KIR3DL3: variants seen among roughly 807,000 people sequenced by gnomAD.
The protein encoded by KIR3DL3 is killer cell immunoglobulin like receptor, three Ig domains and long cytoplasmic tail 3, also known as killer cell immunoglobulin-like receptor 3DL3.
In KIR3DL3, 27 loss-of-function variants were observed where a neutral mutation model predicts 34.9. The observed-to-expected ratio is 0.77, with a 90% CI of 0.57 to 1.07. The LOEUF (loss-of-function observed/expected upper bound fraction) is 1.07, where lower values mean the gene tolerates loss of function less well. Ranked by LOEUF, KIR3DL3 falls within the 50% of genes least tolerant of loss-of-function variation. The pLI is 0.00. For missense variants in KIR3DL3, 681 were observed against 528.5 expected, an observed-to-expected ratio of 1.29 and a Z score of -2.83; for synonymous variants, 217 against 200.2, an observed-to-expected ratio of 1.08 and a Z score of -0.71.
At chr19:54,732,913 C>T (rs1276399435) in intron 5 of KIR3DL3, among the ~76,000 whole-genome samples, 2 of 152,078 alleles carry the variant, frequency 1.3e-5, no homozygotes, top group African/African-American at 4.8e-5. Context: ...GGAATCCCTA[C>T]CTGATTAACA....
At chr19:54,727,501 A>C in intron 3 of KIR3DL3, 110 bp from the exon 4 acceptor site, 1 of 933,908 alleles carries the variant, frequency 1.1e-6, no homozygotes, top group Non-Finnish European at 1.6e-6. Context: ...GGAGACACAG[A>C]CAGGAAGGAG....
chr19:54,726,847 C>T (rs62131758), intron 3 of KIR3DL3, among the ~76,000 whole-genome samples: 63,810 of 101,516 alleles, frequency 0.63, 20,955 homozygotes, highest in Middle Eastern at 0.71. Context: ...CACAGCCCTG[C>T]AGATGCCTTG....
intron 1 of KIR3DL3, among the ~76,000 whole-genome samples, chr19:54,724,761 C>A (rs368175909): frequency 3.7e-5 from 3 of 80,728 alleles, no homozygotes; most frequent in Admixed American, 1.5e-4. Context: ...GGGCCTGGAA[C>A]TGTAGATATG....
At chr19:54,734,619 G>A (rs659384) in intron 5 of KIR3DL3, among the ~76,000 whole-genome samples, 6 of 138,422 alleles carry the variant, frequency 4.3e-5, no homozygotes, top group African/African-American at 1.1e-4. Flanking sequence ...ATCTCAGGAC[G>A]TTGCTGTCTT....
At position 54,727,619 on chromosome 19, in the gene KIR3DL3, A is replaced by G; in HGVS notation, c.364A>G (p.Arg122Gly). 1 of 1,610,924 alleles carries G rather than the reference A, an allele frequency of 6.2e-7. No homozygotes were observed. Among genetic ancestry groups the G allele is most frequent in the Non-Finnish European group, 8.5e-7 (1 of 1,179,134 alleles). Residue 122 changes from arginine (R) to glycine (G), a missense_variant, in exon 4 of 8, where the codon AGA (arginine) becomes GGA (glycine). Coordinates refer to ENST00000291860, the MANE Select transcript of KIR3DL3 (RefSeq NM_153443.5). ...ACAACCTCTCTTCTTAGGAGTCCACAGAAAACCTTCCCTCCTGGCCCACCC... is the reference window on the plus strand; with the variant it reads ...ACAACCTCTCTTCTTAGGAGTCCACGGAAAACCTTCCCTCCTGGCCCACCC... Reference protein sequence around the residue: ...PVVIMVTGVHRKPSLLAHPGP... With the variant: ...PVVIMVTGVHGKPSLLAHPGP...
intron 5 of KIR3DL3, among the ~76,000 whole-genome samples, chr19:54,731,975 A>C (rs2146832926): frequency 6.6e-6 from 1 of 152,322 alleles, no homozygotes; most frequent in South Asian, 2.1e-4. Flanking sequence ...AGCAACCGTA[A>C]TGCCATCTGC....
Position 54,735,309 on chromosome 19 carries a change from G to T in KIR3DL3, c.1006G>T (p.Ala336Ser), listed in dbSNP as rs766236460. The change falls in exon 6 of 8, where the codon GCT becomes TCT. Residue 336 changes from alanine (A) to serine (S), a missense_variant. Physicochemically the swap from Ala to Ser is moderately conservative, Grantham distance 99 (BLOSUM62 1). Coordinates refer to ENST00000291860, the MANE Select transcript of KIR3DL3 (RefSeq NM_153443.5). ...IGTSVVIIPF[A>S]ILLFFLLHRW... is the part of the protein sequence containing the mutation. ...GACCTCAGTGGTCATCATCCCCTTT[G>T]CTATCCTCCTCTTCTTTCTCCTTCA... The T allele has an allele frequency of 6.7e-7, 1 of 1,483,310 alleles. No individual in the cohort carries two copies. Among genetic ancestry groups the T allele is most frequent in the Non-Finnish European group, 9.4e-7 (1 of 1,067,200 alleles). 91.9% of individuals were successfully genotyped at this position (1,483,310 alleles called of 1,614,324 possible). A position where few individuals can be genotyped will look rare whatever the true frequency, so the allele number is the denominator to read the frequency against.
Position 54,727,597 on chromosome 19 carries a change from A to G in KIR3DL3, c.356-14A>G. 1.2e-6 allele frequency: 2 copies of G among 1,604,440 alleles called. No homozygotes were observed. The highest frequency in any genetic ancestry group is 8.5e-7 in the Non-Finnish European group (1 of 1,176,804). On this transcript the variant is annotated splice_polypyrimidine_tract_variant and intron_variant, in intron 3 of 7. Coordinates refer to ENST00000291860, the MANE Select transcript of KIR3DL3 (RefSeq NM_153443.5). The stretch of plus-strand genomic sequence containing the variant: ...AAGGGAGACGCCTTCTGAACTCACA[A>G]CCTCTCTTCTTAGGAGTCCACAGAA...
In KIR3DL3 at chr19:54,729,745, C is replaced by T. The variant is rs865887227; in HGVS notation, c.908C>T (p.Ala303Val). 1,178 of 1,583,106 alleles carry T rather than the reference C, an allele frequency of 7.4e-4. 2 individuals carry two copies. The highest frequency in any genetic ancestry group is 9.5e-4 in the Non-Finnish European group (1,109 of 1,168,218). Reference protein sequence around the residue: ...CFGSFRALPHAWSDPSDPLPV... With the variant: ...CFGSFRALPHVWSDPSDPLPV... ...GGCTCTTTCCGTGCCCTGCCCCATG[C>T]GTGGTCAGACCCGAGTGACCCACTG... The change falls in exon 5 of 8, where the codon GCG becomes GTG. Residue 303 changes from alanine to valine, a missense_variant. Transcript: ENST00000291860.
rs756228014 is a variant in KIR3DL3, at chr19:54,727,797, C to G, written c.542C>G (p.Ser181Cys). Residue 181 changes from serine (S) to cysteine (C), a missense_variant, in exon 4 of 8, where the codon TCC becomes TGC. Ser to Cys is a moderately radical substitution (Grantham distance 112). Coordinates refer to ENST00000291860, the MANE Select transcript of KIR3DL3 (RefSeq NM_153443.5). Reference sequence around the variant, plus strand: ...GATGCGGGTTCCCAGGTCAACTATTCCATGGGTCCCATGACACCTGCCCTT... The same window carrying G: ...GATGCGGGTTCCCAGGTCAACTATTGCATGGGTCCCATGACACCTGCCCTT... ...LHDAGSQVNY[S>C]MGPMTPALAG... 177 of 1,613,836 alleles carry G rather than the reference C, an allele frequency of 1.1e-4. No homozygotes were observed. The Middle Eastern group carries it at 2.8e-3, about 26-fold the overall frequency.
chr19:54,726,623 C>T (rs1195870211), intron 3 of KIR3DL3, among the ~76,000 whole-genome samples: 1 of 147,358 alleles, frequency 6.8e-6, no homozygotes, highest in African/African-American at 2.5e-5. Context: ...GGGAGACAGC[C>T]TGGACTGTCC....
At chr19:54,734,119 T>C (rs2146864016) in intron 5 of KIR3DL3, among the ~76,000 whole-genome samples, 1 of 151,804 alleles carries the variant, frequency 6.6e-6, no homozygotes, top group East Asian at 1.9e-4. Flanking sequence ...CTTCACTTTT[T>C]TTATCTTGAT....
In KIR3DL3 at chr19:54,733,766, G is replaced by A. The variant is rs554086126; in HGVS notation, c.950-1487G>A. Among the ~76,000 whole-genome samples the A allele has an allele frequency of 7.0e-4, 107 of 152,224 alleles. 1 individual carries two copies. The highest frequency in any genetic ancestry group is 2.4e-3 in the African/African-American group (100 of 41,530). ...GAATAGAGAACGTGCTCTGTTCATG[G>A]CATAAAACTTGCCCCTTCACCCAAA... On this transcript the variant is annotated intron_variant, in intron 5 of 7. Coordinates refer to ENST00000291860, the MANE Select transcript of KIR3DL3 (RefSeq NM_153443.5).
chr19:54,727,553 T>C, intron 3 of KIR3DL3, 58 bp from the exon 4 acceptor site: 1 of 1,521,824 alleles, frequency 6.6e-7, no homozygotes, highest in Non-Finnish European at 8.9e-7. Flanking sequence ...TTATTTCAGG[T>C]CCCATGAATG....
Position 54,735,832 on chromosome 19 carries a change from T to C in KIR3DL3, c.1067T>C (p.Met356Thr). The C allele has an allele frequency of 6.2e-7, 1 of 1,607,776 alleles. No individual in the cohort carries two copies. The highest frequency in any genetic ancestry group is 1.4e-5 in the African/African-American group (1 of 72,846). The change falls in exon 7 of 8, where the codon ATG becomes ACG. Residue 356 changes from methionine to threonine, a missense_variant. By Grantham distance (81) the Met-to-Thr change is moderately conservative. Transcript: ENST00000291860. ...CCGTCTTCTACAGATGCTGTTGTAA[T>C]GGACCAAGAGCCTGCAGGGAACAGA... ...WCANKKNAVV[M>T]DQEPAGNRTV...
rs17207376 is a variant in KIR3DL3, at chr19:54,736,605, A to C, written c.*509A>C. 60,729 of 158,680 alleles carry C rather than the reference A, an allele frequency of 0.38. 12,533 individuals carry two copies. Among genetic ancestry groups the C allele is most frequent in the East Asian group, 0.78 (4,653 of 5,988 alleles). The allele number at this position is 158,680 out of a possible 1,614,324, so 9.8% of individuals were successfully genotyped here. A position where few individuals can be genotyped will look rare whatever the true frequency, so the allele number is the denominator to read the frequency against. ...TTTTATAATTTCAATGTAGTTTTCT[A>C]TTCTTCAAGTAAACATGTCTGCCCT... On this transcript the variant is annotated 3_prime_UTR_variant, in exon 8 of 8. Transcript: ENST00000291860.
intron 2 of KIR3DL3, among the ~76,000 whole-genome samples, chr19:54,725,616 T>A (rs950439611): frequency 6.6e-5 from 10 of 152,208 alleles, no homozygotes; most frequent in Middle Eastern, 3.4e-3. Context: ...GACAAGAGCA[T>A]AACTCACACC....
chr19:54,724,605 G>C, intron 1 of KIR3DL3, 75 bp downstream of exon 1: 3 of 1,593,186 alleles, frequency 1.9e-6, no homozygotes, highest in South Asian at 2.2e-5. Flanking sequence ...TCTGGGCCTG[G>C]AGTGGAGATA....
intron 5 of KIR3DL3, among the ~76,000 whole-genome samples, chr19:54,730,207 C>T (rs1165264404): frequency 6.6e-5 from 10 of 151,470 alleles, no homozygotes; most frequent in African/African-American, 1.7e-4. Flanking sequence ...GTGAAATATA[C>T]CTATGTAATT....
Sources: allele counts gnomAD v4.1 joint callset (sites outside exome capture counted in the v4.1 genomes callset), GRCh38; gene constraint gnomAD v4.1.1; transcripts MANE v1.5; gene names NCBI Gene and HGNC (gene_info 2026-07-23, HGNC 2026-07-21).